SLC6A11: variants seen among roughly 807,000 people sequenced by gnomAD.
SLC6A11 encodes the protein sodium- and chloride-dependent GABA transporter 3.
In SLC6A11, 25 loss-of-function variants were observed where a neutral mutation model predicts 74.8. The ratio of observed to expected loss-of-function variants is 0.33; its 90% CI spans 0.24 to 0.47. The LOEUF is 0.47. SLC6A11 is among the 20% of genes least tolerant of loss of function. The pLI is 1.00. For synonymous variants in SLC6A11, 330 were observed against 330.2 expected (o/e 1.00, Z 0.01); for missense variants, 574 against 837.0 (o/e 0.69, Z 3.88).
chr3:10,931,433 C>A (rs1350350356), intron 10 of SLC6A11, among the ~76,000 whole-genome samples: 1 of 152,106 alleles, frequency 6.6e-6, no homozygotes, highest in Non-Finnish European at 1.5e-5. Flanking sequence ...GAAATACAAG[C>A]CCCGTACTCC....
At chr3:10,909,409 G>A (rs1252170020) in intron 6 of SLC6A11, among the ~76,000 whole-genome samples, 3 of 152,174 alleles carry the variant, frequency 2.0e-5, no homozygotes, top group Admixed American at 2.0e-4. Flanking sequence ...TCATTGGTTT[G>A]GGGGACGTAT....
At chr3:10,873,397 A>G (rs1575684049) in intron 5 of SLC6A11, among the ~76,000 whole-genome samples, 1 of 3,764 alleles carries the variant, frequency 2.7e-4, no homozygotes, top group South Asian at 0.011. Flanking sequence ...ATCCTATCCT[A>G]TGCTATCCTA....
At chr3:10,857,153 C>T (rs747900056) in intron 5 of SLC6A11, among the ~76,000 whole-genome samples, 10 of 152,004 alleles carry the variant, frequency 6.6e-5, no homozygotes, top group East Asian at 1.9e-4. Flanking sequence ...GTGTTGGTAC[C>T]GAGTTTGGAT....
At chr3:10,853,470 C>T (rs1004324126) in intron 5 of SLC6A11, among the ~76,000 whole-genome samples, 3 of 152,174 alleles carry the variant, frequency 2.0e-5, no homozygotes, top group African/African-American at 7.2e-5. Flanking sequence ...CACCCCTCCC[C>T]TCCATCCCTG....
intron 6 of SLC6A11, among the ~76,000 whole-genome samples, chr3:10,896,498 C>T (rs927614500): frequency 6.6e-6 from 1 of 152,200 alleles, no homozygotes; most frequent in South Asian, 2.1e-4. Flanking sequence ...TCAAGGTGGC[C>T]CAGCAGAGCT....
At chr3:10,823,435 T>C (rs1694163438) in intron 4 of SLC6A11, 43 bp downstream of exon 4, 2 of 1,339,054 alleles carry the variant, frequency 1.5e-6, no homozygotes, top group Non-Finnish European at 2.1e-6. Flanking sequence ...GTGGGGGCTC[T>C]GTCCTGGTTC....
In SLC6A11 at chr3:10,819,867, A is replaced by C; in HGVS notation, c.532+15A>C. 6.2e-7 allele frequency: 1 copy of C among 1,612,602 alleles called. No individual in the cohort carries two copies. Among genetic ancestry groups the C allele is most frequent in the Non-Finnish European group, 8.5e-7 (1 of 1,179,302 alleles). On this transcript the variant is annotated intron_variant, in intron 3 of 13. Transcript: ENST00000254488. ...GTGGAACACAGGTATGGCCCCACGG[A>C]GGTCTCTCTGCTGGTCCTGCTGGGT...
At chr3:10,839,796 C>G (rs890876510) in intron 4 of SLC6A11, among the ~76,000 whole-genome samples, 1 of 152,186 alleles carries the variant, frequency 6.6e-6, no homozygotes, top group Non-Finnish European at 1.5e-5. Flanking sequence ...TGGCCATGAT[C>G]TCTTCCTCTA....
intron 6 of SLC6A11, among the ~76,000 whole-genome samples, chr3:10,890,016 T>C (rs757798155): frequency 2.0e-5 from 3 of 152,236 alleles, no homozygotes; most frequent in Non-Finnish European, 4.4e-5. Flanking sequence ...AAACCACATA[T>C]GTCTATTTAA....
At chr3:10,900,619 G>C (rs1695228432) in intron 6 of SLC6A11, among the ~76,000 whole-genome samples, 1 of 152,172 alleles carries the variant, frequency 6.6e-6, no homozygotes, top group Non-Finnish European at 1.5e-5. Context: ...CTTCTCCAGG[G>C]CATGGAGCAC....
At position 10,926,486 on chromosome 3, in the gene SLC6A11, A is replaced by C. The variant is rs746278; in HGVS notation, c.1233+370A>C. On this transcript the variant is annotated intron_variant, in intron 9 of 13. Coordinates refer to ENST00000254488, the MANE Select transcript of SLC6A11 (RefSeq NM_014229.3). The surrounding 1 kb of genome is among the most constrained non-coding windows in gnomAD (Gnocchi z 5.7). ...GCCTGGCACAGCAGAAGAGAGTCTC[A>C]GAGAGTGAGTTCCACAGCATGCATG... Among the ~76,000 whole-genome samples the C allele has an allele frequency of 0.3, 44,961 of 152,058 alleles. 7,047 individuals are homozygous for C. Among genetic ancestry groups the C allele is most frequent in the Admixed American group, 0.43 (6,591 of 15,274 alleles).
chr3:10,847,691 C>T (rs1694521508), intron 5 of SLC6A11, among the ~76,000 whole-genome samples: 1 of 152,168 alleles, frequency 6.6e-6, no homozygotes, highest in African/African-American at 2.4e-5. Context: ...TGTGGGGGCA[C>T]ATCCGGCAGT....
In SLC6A11 at chr3:10,816,611, C is replaced by T. The variant is rs1296019038; in HGVS notation, c.256+90C>T. On this transcript the variant is annotated intron_variant, in intron 1 of 13. Transcript: ENST00000254488. The surrounding 1 kb of genome is among the most constrained non-coding windows in gnomAD (Gnocchi z 4.2). ...GCGAGCGCGAGACCCCCTCCCGCGC[C>T]TGCGTGGAGCGGAACCCGAGCGGAG... The T allele has an allele frequency of 1.5e-6, 2 of 1,318,536 alleles. No homozygotes were observed. Among genetic ancestry groups the T allele is most frequent in the African/African-American group, 3.1e-5 (2 of 64,942 alleles). The allele number at this position is 1,318,536 out of a possible 1,614,324, so 81.7% of individuals were successfully genotyped here.
chr3:10,886,094 C>T (rs992186979), intron 6 of SLC6A11, among the ~76,000 whole-genome samples: 2 of 152,224 alleles, frequency 1.3e-5, no homozygotes, highest in African/African-American at 4.8e-5. Context: ...TGGGCAAACC[C>T]TCTCAGGGGT....
chr3:10,878,757 A>G (rs1694941593), intron 6 of SLC6A11, among the ~76,000 whole-genome samples: 1 of 152,050 alleles, frequency 6.6e-6, no homozygotes, highest in Admixed American at 6.5e-5. Context: ...TTCTCAGGCA[A>G]GTCTTTTCTG....
Position 10,916,106 on chromosome 3 carries a change from A to G in SLC6A11, c.996-2223A>G, listed in dbSNP as rs138951321. 4.7e-4 allele frequency among the ~76,000 whole-genome samples: 71 copies of G among 152,288 alleles called. No individual in the cohort carries two copies. The East Asian group carries it at 0.012, about 25-fold the overall frequency. On this transcript the variant is annotated intron_variant, in intron 7 of 13. Coordinates refer to ENST00000254488, the MANE Select transcript of SLC6A11 (RefSeq NM_014229.3). ...TCCTCCCTGGTATCATCCAATGTCC[A>G]CTATTTGATAAGTCAGGGCCATTTT...
chr3:10,920,905 G>A (rs1695529208), intron 8 of SLC6A11, among the ~76,000 whole-genome samples: 1 of 152,142 alleles, frequency 6.6e-6, no homozygotes, highest in African/African-American at 2.4e-5. Context: ...ACCCTCTTTA[G>A]GAGTCTGCCA....
Position 10,816,610 on chromosome 3 carries a change from C to G in SLC6A11, c.256+89C>G. On this transcript the variant is annotated intron_variant, in intron 1 of 13. Transcript: ENST00000254488. This position sits in a 1 kb window ranked among gnomAD's most constrained non-coding sequence, Gnocchi z 4.2. ...GGCGAGCGCGAGACCCCCTCCCGCG[C>G]CTGCGTGGAGCGGAACCCGAGCGGA... is the stretch of plus-strand genomic sequence containing the variant. 7.5e-7 allele frequency: 1 copy of G among 1,334,184 alleles called. No homozygotes were observed. The highest frequency in any genetic ancestry group is 1.0e-6 in the Non-Finnish European group (1 of 1,004,248). The allele number at this position is 1,334,184 out of a possible 1,614,324, so 82.6% of individuals were successfully genotyped here. A position where few individuals can be genotyped will look rare whatever the true frequency, so the allele number is the denominator to read the frequency against.
At position 10,844,152 on chromosome 3, in the gene SLC6A11, A is replaced by C. The variant is rs1256715385; in HGVS notation, c.624-62A>C. The C allele has an allele frequency of 3.1e-6, 5 of 1,604,074 alleles. No homozygotes were observed. The East Asian group carries it at 8.9e-5, about 29-fold the overall frequency. ...GGGCCCATCCCTGCTCCTCTGCAGT[A>C]CTAGCTTTGCTGAAAATGGGCCAGC... On this transcript the variant is annotated intron_variant, in intron 4 of 13. Coordinates refer to ENST00000254488, the MANE Select transcript of SLC6A11 (RefSeq NM_014229.3).
Sources: allele counts gnomAD v4.1 joint callset (sites outside exome capture counted in the v4.1 genomes callset), GRCh38; gene constraint gnomAD v4.1.1; non-coding constraint Gnocchi (gnomAD v3.1); transcripts MANE v1.5; gene names NCBI Gene and HGNC (gene_info 2026-07-23, HGNC 2026-07-21).